The following ARL17B variants were observed in gnomAD, a reference collection of about 807,000 sequenced individuals.
ARL17B encodes ADP-ribosylation factor-like protein 17.
At chr17:46,317,182 G>A (rs2051200364) in intron 3 of ARL17B, among the ~76,000 whole-genome samples, 1 of 84,482 alleles carries the variant, frequency 1.2e-5, no homozygotes, top group Non-Finnish European at 3.6e-5. Flanking sequence ...ATCCCAGACG[G>A]GCATGCCCAG....
chr17:46,283,682 G>T (rs1290676235), intron 4 of ARL17B, among the ~76,000 whole-genome samples: 3 of 152,186 alleles, frequency 2.0e-5, no homozygotes, highest in Non-Finnish European at 4.4e-5. Context: ...ACTTGGAAAA[G>T]AAAAAGACAC....
intron 4 of ARL17B, among the ~76,000 whole-genome samples, chr17:46,280,089 CT>C (rs1428741781): frequency 6.6e-6 from 1 of 152,182 alleles, no homozygotes; most frequent in Non-Finnish European, 1.5e-5. Context: ...ATAAAAATGT[CT>C]GGCCAGGCGC....
Position 46,314,457 on chromosome 17 carries a change from G to A in ARL17B, c.260-14792C>T, listed in dbSNP as rs1371533397. ...TTTTGCACATAGATGTTCAGGTGAC[G>A]CCATTGCACTCAAGCCTGGGCAACA... On this transcript the variant is annotated intron_variant, in intron 3 of 4. Transcript: ENST00000434041. 1.2e-4 allele frequency among the ~76,000 whole-genome samples: 10 copies of A among 81,450 alleles called. 3 individuals carry two copies. Among genetic ancestry groups the A allele is most frequent in the African/African-American group, 2.3e-4 (7 of 30,844 alleles). 53.4% of individuals were successfully genotyped at this position (81,450 alleles called of 152,430 possible).
chr17:46,300,039 CT>C, intron 3 of ARL17B, among the ~76,000 whole-genome samples: 1 of 41,906 alleles, frequency 2.4e-5, no homozygotes, highest in African/African-American at 5.3e-5. Flanking sequence ...GGTAGGCTCT[CT>C]TTAAAATAAG....
downstream of ARL17B, among the ~76,000 whole-genome samples, chr17:46,332,922 A>G (rs373633734): frequency 1.1e-4 from 17 of 151,554 alleles, 1 homozygote; most frequent in East Asian, 1.7e-3. Flanking sequence ...TAATAGCAAA[A>G]TTTCTCCCAC....
At chr17:46,291,734 G>A (rs575865023) in intron 4 of ARL17B, among the ~76,000 whole-genome samples, 268 of 151,974 alleles carry the variant, frequency 1.8e-3, no homozygotes, top group African/African-American at 6.2e-3. Flanking sequence ...AGACCAGCCT[G>A]GGCAACATGG....
chr17:46,286,250 A>T (rs12939328), intron 4 of ARL17B, among the ~76,000 whole-genome samples: 16,197 of 150,352 alleles, frequency 0.11, 1,300 homozygotes, highest in Non-Finnish European at 0.16. Context: ...ACATTAATTT[A>T]GTATTTTTGA....
chr17:46,342,591 G>C (rs1463487761), intron 3 of ARL17B, among the ~76,000 whole-genome samples: 1 of 51,038 alleles, frequency 2.0e-5, no homozygotes. Context: ...AGGCTGTCTA[G>C]GGCACAAACC....
chr17:46,288,041 AT>A (rs926112140), intron 4 of ARL17B, among the ~76,000 whole-genome samples: 3 of 152,212 alleles, frequency 2.0e-5, no homozygotes, highest in African/African-American at 7.2e-5. Flanking sequence ...CTACCAAGGC[AT>A]TTCTTGGTAG....
chr17:46,277,136 C>T (rs1465135133), intron 4 of ARL17B, among the ~76,000 whole-genome samples: 78 of 152,270 alleles, frequency 5.1e-4, no homozygotes, highest in African/African-American at 2.4e-5. Flanking sequence ...ATTGAGCAAA[C>T]GTCTCCATTC....
At chr17:46,287,648 A>T (rs2049955637) in intron 4 of ARL17B, among the ~76,000 whole-genome samples, 1 of 152,296 alleles carries the variant, frequency 6.6e-6, no homozygotes, top group East Asian at 1.9e-4. Context: ...TTCAGTTAAT[A>T]TAATGTTTGT....
chr17:46,277,728 C>T (rs112919260), intron 4 of ARL17B, among the ~76,000 whole-genome samples: 16,496 of 149,160 alleles, frequency 0.11, no homozygotes, highest in Non-Finnish European at 0.17. Flanking sequence ...CTCACTGCAA[C>T]CTCCTCCTCC....
At chr17:46,334,760 T>C (rs1268837972), downstream of ARL17B, 2 of 108,350 alleles carry the variant, frequency 1.8e-5, no homozygotes, top group Admixed American at 1.9e-4. Context: ...AAGTGCCAGC[T>C]GCATGCAAGA....
chr17:46,279,517 T>A (rs1260942168), intron 4 of ARL17B, among the ~76,000 whole-genome samples: 2 of 150,652 alleles, frequency 1.3e-5, no homozygotes, highest in East Asian at 3.9e-4. Context: ...TTTTTTTTTT[T>A]TTGAGATAGG....
chr17:46,274,434 A>G (rs1448292616), downstream of ARL17B, among the ~76,000 whole-genome samples: 21 of 152,228 alleles, frequency 1.4e-4, no homozygotes, highest in Non-Finnish European at 3.1e-4. Context: ...TCTACCATGA[A>G]CAATAAACTC....
At chr17:46,291,120 A>C (rs2050053634) in intron 4 of ARL17B, among the ~76,000 whole-genome samples, 1 of 152,258 alleles carries the variant, frequency 6.6e-6, no homozygotes, top group Non-Finnish European at 1.5e-5. Flanking sequence ...TTCTCTATTT[A>C]TAGAGAGAGA....
intron 4 of ARL17B, among the ~76,000 whole-genome samples, chr17:46,281,061 C>T (rs991371312): frequency 1.3e-5 from 2 of 152,068 alleles, no homozygotes; most frequent in East Asian, 1.9e-4. Flanking sequence ...AATGTTGTAG[C>T]GGAAAAATCT....
At chr17:46,305,004 G>A (rs1368389749) in intron 3 of ARL17B, among the ~76,000 whole-genome samples, 1 of 84,608 alleles carries the variant, frequency 1.2e-5, no homozygotes, top group Non-Finnish European at 3.0e-5. Flanking sequence ...GAGCAGCTAG[G>A]ACTACAGGCA....
intron 4 of ARL17B, among the ~76,000 whole-genome samples, chr17:46,291,834 G>A (rs550131078): frequency 4.7e-4 from 72 of 152,092 alleles, no homozygotes; most frequent in Non-Finnish European, 8.4e-4. Context: ...CATGGCACGC[G>A]CCTGTAGTCC....
Sources: gnomAD v4.1 joint callset for allele counts (sites outside exome capture counted in the v4.1 genomes callset) on GRCh38, gnomAD v4.1.1 for gene constraint, MANE v1.5 for transcripts, NCBI Gene and HGNC (gene_info 2026-07-23, HGNC 2026-07-21) for gene names.